MAGEB1: variants seen among roughly 807,000 people sequenced by gnomAD.
MAGEB1 encodes melanoma-associated antigen B1.
For synonymous variants in MAGEB1, 99 were observed against 105.7 expected (o/e 0.94, Z 0.39); for missense variants, 290 against 286.7 (o/e 1.01, Z -0.08).
At chrX:30,245,278 G>A (rs1925274127), upstream of MAGEB1, among the ~76,000 whole-genome samples, 1 of 112,016 alleles carries the variant, frequency 8.9e-6, no homozygotes, top group Non-Finnish European at 1.9e-5. Context: ...TTATCTCTTG[G>A]ACTTAAAGAA....
Position 30,251,416 on chromosome X carries a change from T to G in MAGEB1, c.923T>G (p.Leu308Trp). Residue 308 changes from leucine (L) to tryptophan (W), a missense_variant, in exon 2 of 2, where the codon TTG becomes TGG. By Grantham distance (61) the Leu-to-Trp change is moderately conservative (BLOSUM62 -2). Transcript: ENST00000397548. ...RDFPSHYEEA[L>W]RDEEERAQVR... ...TTCCCATCCCATTATGAAGAGGCTT[T>G]GAGAGATGAGGAAGAGAGAGCCCAA... The G allele has an allele frequency of 8.3e-7, 1 of 1,211,287 alleles. No homozygotes were observed. The highest frequency in any genetic ancestry group is 1.1e-6 in the Non-Finnish European group (1 of 895,359).
chrX:30,245,090 A>G (rs1343639278), upstream of MAGEB1, among the ~76,000 whole-genome samples: 1 of 111,586 alleles, frequency 9.0e-6, no homozygotes. Flanking sequence ...GGTTTGGATG[A>G]AAGGTCAGAG....
chrX:30,250,942 T>C lies in MAGEB1; in HGVS notation c.449T>C (p.Leu150Pro), dbSNP rs919062972. 1 of 1,211,672 alleles carries C rather than the reference T, an allele frequency of 8.3e-7. No individual in the cohort carries two copies. The change falls in exon 2 of 2, where the codon CTC becomes CCC. Residue 150 changes from leucine (L) to proline (P), a missense_variant. By Grantham distance (98) the Leu-to-Pro change is moderately conservative. Coordinates refer to ENST00000397548, the MANE Select transcript of MAGEB1 (RefSeq NM_177404.3). ...EKYKDHFTEILNGASRRLELV... is the reference protein window; with the variant it reads ...EKYKDHFTEIPNGASRRLELV... ...TACAAGGATCACTTCACTGAGATCC[T>C]CAATGGAGCCTCTCGCCGCTTGGAG... is the stretch of plus-strand genomic sequence containing the variant.
intron 1 of MAGEB1, 155 bp downstream of exon 1, chrX:30,247,411 A>C (rs1428452963): frequency 8.9e-6 from 1 of 112,490 alleles, no homozygotes; most frequent in Non-Finnish European, 1.9e-5. Context: ...AGCGAGCTTA[A>C]GGAGTGGGGT....
In MAGEB1 at chrX:30,251,804, A is replaced by G; in HGVS notation, c.*267A>G. ...ATATTCTATATTTTTCAAATCCTTG[A>G]ATCTTTTTTGGGTTGAAGAAGAAGA... On this transcript the variant is annotated 3_prime_UTR_variant, in exon 2 of 2. Transcript: ENST00000397548. The G allele has an allele frequency of 3.4e-6, 1 of 294,287 alleles. No homozygotes were observed. Among genetic ancestry groups the G allele is most frequent in the Non-Finnish European group, 6.2e-6 (1 of 161,651 alleles). The allele number at this position is 294,287 out of a possible 1,213,427, so 24.3% of individuals were successfully genotyped here. A position where few individuals can be genotyped will look rare whatever the true frequency, so the allele number is the denominator to read the frequency against.
upstream of MAGEB1, chrX:30,247,117 C>T (rs12011674): frequency 1.8e-5 from 2 of 108,557 alleles, no homozygotes; most frequent in African/African-American, 3.4e-5. Context: ...GCCGTCAGCC[C>T]GGAGGCCACG....
upstream of MAGEB1, among the ~76,000 whole-genome samples, chrX:30,247,003 A>G (rs1271416826): frequency 8.9e-6 from 1 of 112,238 alleles, no homozygotes; most frequent in Non-Finnish European, 1.9e-5. Flanking sequence ...TTGGGTCAGC[A>G]GGCGGAGTCG....
Position 30,250,698 on chromosome X carries a change from A to G in MAGEB1, c.205A>G (p.Thr69Ala). 2 of 1,210,656 alleles carry G rather than the reference A, an allele frequency of 1.7e-6. No homozygotes were observed. The highest frequency in any genetic ancestry group is 2.2e-6 in the Non-Finnish European group (2 of 895,073). The change falls in exon 2 of 2, where the codon ACT (threonine) becomes GCT (alanine). Residue 69 changes from threonine to alanine, a missense_variant. Transcript: ENST00000397548. ...GCCTCAGGGAGCTCCACCCACCACC[A>G]CTGCTGCTGCAGCTGTGTCATGTAC... ...QKPQGAPPTTTAAAAVSCTES... is the reference protein window; with the variant it reads ...QKPQGAPPTTAAAAAVSCTES...
chrX:30,247,900 C>T (rs1329440735), intron 1 of MAGEB1, among the ~76,000 whole-genome samples: 2 of 95,962 alleles, frequency 2.1e-5, no homozygotes, highest in Non-Finnish European at 4.1e-5. Flanking sequence ...GCCGAGATTG[C>T]ACCACTGCAC....
intron 1 of MAGEB1, among the ~76,000 whole-genome samples, chrX:30,248,969 G>A (rs1279894360): frequency 9.0e-6 from 1 of 111,504 alleles, no homozygotes; most frequent in Non-Finnish European, 1.9e-5. Context: ...AGACAGAGAA[G>A]TCACTGAGGG....
At chrX:30,249,523 A>C (rs1925433899) in intron 1 of MAGEB1, among the ~76,000 whole-genome samples, 1 of 111,394 alleles carries the variant, frequency 9.0e-6, no homozygotes, top group Non-Finnish European at 1.9e-5. Context: ...GAGGGGTGGG[A>C]GGCATTTTAG....
In MAGEB1 at chrX:30,250,965, G is replaced by C; in HGVS notation, c.472G>C (p.Glu158Gln). The C allele has an allele frequency of 8.3e-7, 1 of 1,211,676 alleles. No homozygotes were observed. The highest frequency in any genetic ancestry group is 1.7e-5 in the African/African-American group (1 of 57,873). Residue 158 changes from glutamate to glutamine, a missense_variant, in exon 2 of 2, where the codon GAG becomes CAG. Physicochemically the swap from Glu to Gln is conservative, Grantham distance 29. Transcript: ENST00000397548. ...EILNGASRRL[E>Q]LVFGLDLKED... is the part of the protein sequence containing the mutation. ...CCTCAATGGAGCCTCTCGCCGCTTG[G>C]AGCTCGTCTTTGGCCTTGATTTGAA... is the stretch of plus-strand genomic sequence containing the variant.
chrX:30,245,485 C>T (rs1314435902), upstream of MAGEB1, among the ~76,000 whole-genome samples: 1 of 111,809 alleles, frequency 8.9e-6, no homozygotes, highest in Non-Finnish European at 1.9e-5. Context: ...CCCAAGTTCA[C>T]ACAGCTAGTA....
At position 30,251,290 on chromosome X, in the gene MAGEB1, C is replaced by A; in HGVS notation, c.797C>A (p.Pro266Gln). 2.5e-6 allele frequency: 3 copies of A among 1,211,925 alleles called. No homozygotes were observed. Among genetic ancestry groups the A allele is most frequent in the Non-Finnish European group, 3.4e-6 (3 of 895,496 alleles). The change falls in exon 2 of 2, where the codon CCA becomes CAA. Residue 266 changes from proline (P) to glutamine (Q), a missense_variant. Coordinates refer to ENST00000397548, the MANE Select transcript of MAGEB1 (RefSeq NM_177404.3). Reference sequence around the variant, plus strand: ...GAGCAGGTGCCCAACAGTGATCCCCCACGCTATCAATTCCTATGGGGTCCG... The same window carrying A: ...GAGCAGGTGCCCAACAGTGATCCCCAACGCTATCAATTCCTATGGGGTCCG... ...KYEQVPNSDP[P>Q]RYQFLWGPRA...
chrX:30,247,050 TG>T (rs751053472), upstream of MAGEB1: 92 of 110,723 alleles, frequency 8.3e-4, no homozygotes, highest in African/African-American at 2.9e-3. Flanking sequence ...GGACCCCTAG[TG>T]GGGACGTAGG....
upstream of MAGEB1, among the ~76,000 whole-genome samples, chrX:30,246,989 G>A (rs1195527230): frequency 1.8e-5 from 2 of 112,535 alleles, no homozygotes; most frequent in Admixed American, 9.3e-5. Context: ...TGAGGCTGGC[G>A]GATTTGGGTC....
rs764577945 is a variant in MAGEB1 at position 30,250,560 on chromosome X, C to A, written c.67C>A (p.Gln23Lys). ...ACGCCGCAAGGCGCGAGAGGAGACCCAGGGTCTCAAGGTTGCTCACGCCAC... is the reference window on the plus strand; with the variant it reads ...ACGCCGCAAGGCGCGAGAGGAGACCAAGGGTCTCAAGGTTGCTCACGCCAC... ...EKRRKAREET[Q>K]GLKVAHATAA... Residue 23 changes from glutamine (Q) to lysine (K), a missense_variant, in exon 2 of 2, where the codon CAG (glutamine) becomes AAG (lysine). By Grantham distance (53) the Gln-to-Lys change is moderately conservative. Coordinates refer to ENST00000397548, the MANE Select transcript of MAGEB1 (RefSeq NM_177404.3). The A allele has an allele frequency of 8.3e-7, 1 of 1,209,064 alleles. No homozygotes were observed. Among genetic ancestry groups the A allele is most frequent in the Admixed American group, 2.2e-5 (1 of 45,842 alleles).
chrX:30,245,682 C>A (rs995336161), upstream of MAGEB1, among the ~76,000 whole-genome samples: 2 of 112,001 alleles, frequency 1.8e-5, no homozygotes, highest in Admixed American at 9.4e-5. Flanking sequence ...ATAACCAGAG[C>A]AAGAAGAATA....
At chrX:30,244,260 C>T (rs1432206538), upstream of MAGEB1, 4 of 122,710 alleles carry the variant, frequency 3.3e-5, no homozygotes, top group Non-Finnish European at 1.9e-5. Context: ...TATATGTACC[C>T]GGATCTGCTT....
Sources: gnomAD v4.1 joint callset for allele counts (sites outside exome capture counted in the v4.1 genomes callset) on GRCh38, gnomAD v4.1.1 for gene constraint, MANE v1.5 for transcripts, NCBI Gene and HGNC (gene_info 2026-07-23, HGNC 2026-07-21) for gene names.